The following DCDC2 variants were observed in gnomAD, a reference collection of about 807,000 sequenced individuals.
DCDC2 encodes doublecortin domain-containing protein 2.
A neutral mutation model predicts 50.2 loss-of-function variants in DCDC2; 40 were observed. That is an observed-to-expected ratio of 0.80 (90% CI 0.62 to 1.04). The LOEUF (loss-of-function observed/expected upper bound fraction) is 1.04, where lower values mean the gene tolerates loss of function less well. Ranked by LOEUF, DCDC2 falls within the 50% of genes least tolerant of loss-of-function variation. The pLI is 0.00. For missense variants in DCDC2, 570 were observed against 581.9 expected (o/e 0.98, Z 0.21); for synonymous variants, 234 against 210.6 (o/e 1.11, Z -0.96).
chr6:24,254,839 AAT>A (rs1164037428), intron 7 of DCDC2, among the ~76,000 whole-genome samples: 1 of 152,174 alleles, frequency 6.6e-6, no homozygotes, highest in Non-Finnish European at 1.5e-5. Flanking sequence ...TATAAAAAAA[AAT>A]CATTTTGACA....
intron 7 of DCDC2, among the ~76,000 whole-genome samples, chr6:24,230,368 G>C (rs1762315372): frequency 6.6e-6 from 1 of 152,154 alleles, no homozygotes; most frequent in African/African-American, 2.4e-5. Context: ...AGAGCCAGGT[G>C]TGGTGGCTCA....
chr6:24,353,274 A>AGGGAAC (rs1760405128), intron 2 of DCDC2: 2 of 494,094 alleles, frequency 4.0e-6, no homozygotes, highest in African/African-American at 3.9e-5. Flanking sequence ...GAATCTTCTC[A>AGGGAAC]CTTGACAGGG....
chr6:24,356,687 T>A (rs769383131), intron 1 of DCDC2, among the ~76,000 whole-genome samples: 1 of 152,202 alleles, frequency 6.6e-6, no homozygotes, highest in African/African-American at 2.4e-5. Context: ...TTAAAATTGT[T>A]AGTGTGCAGG....
intron 4 of DCDC2, among the ~76,000 whole-genome samples, chr6:24,292,661 A>G (rs1220110446): frequency 6.6e-6 from 1 of 152,236 alleles, no homozygotes; most frequent in Non-Finnish European, 1.5e-5. Context: ...TGAGCCCAGG[A>G]GTTCAAGACC....
intron 2 of DCDC2, among the ~76,000 whole-genome samples, chr6:24,320,816 G>T (rs1202841428): frequency 6.6e-6 from 1 of 152,076 alleles, no homozygotes; most frequent in African/African-American, 2.4e-5. Context: ...CTAATGCCCA[G>T]ATGCTGGTTT....
intron 2 of DCDC2, among the ~76,000 whole-genome samples, chr6:24,303,198 T>G (rs1409564434): frequency 1.3e-5 from 2 of 151,972 alleles, no homozygotes; most frequent in African/African-American, 4.8e-5. Context: ...TTATTCCTAT[T>G]CCGACTTCCT....
chr6:24,267,272 T>C (rs1011486134), intron 7 of DCDC2, among the ~76,000 whole-genome samples: 1 of 152,194 alleles, frequency 6.6e-6, no homozygotes, highest in South Asian at 2.1e-4. Flanking sequence ...AATAATTTAT[T>C]GTACATTATT....
At chr6:24,265,777 G>A (rs1277372622) in intron 7 of DCDC2, among the ~76,000 whole-genome samples, 1 of 151,304 alleles carries the variant, frequency 6.6e-6, no homozygotes, top group East Asian at 1.9e-4. Flanking sequence ...GAGGAAAGTT[G>A]ATAGATGTAA....
chr6:24,301,682 A>C, intron 4 of DCDC2, 33 bp downstream of exon 4: 1 of 1,607,326 alleles, frequency 6.2e-7, no homozygotes, highest in Non-Finnish European at 8.5e-7. Flanking sequence ...ACAATTCAAA[A>C]ACTCCTCCAC....
At chr6:24,277,287 G>T (rs1763381864) in intron 7 of DCDC2, among the ~76,000 whole-genome samples, 1 of 152,132 alleles carries the variant, frequency 6.6e-6, no homozygotes, top group South Asian at 2.1e-4. Flanking sequence ...GGTGGGGTGT[G>T]TGAGGGGATC....
In DCDC2 at chr6:24,178,631, C is replaced by T. The variant is rs1193702130; in HGVS notation, c.1025G>A (p.Arg342Lys). 4 of 1,610,922 alleles carry T rather than the reference C, an allele frequency of 2.5e-6. No homozygotes were observed. Among genetic ancestry groups the T allele is most frequent in the East Asian group, 2.2e-5 (1 of 44,868 alleles). ...TTCCTCGTCTACTATTTCTGCTGGC[C>T]TCTGATGGATCAAAAGGAATAATGG... ...DTQVEVPVDQ[R>K]PAEIVDEEED... The change falls in exon 9 of 10, where the codon AGG becomes AAG. Residue 342 changes from arginine (R) to lysine (K), a missense_variant and splice_region_variant. Transcript: ENST00000378454.
chr6:24,371,809 G>A, the DCDC2 span, among the ~76,000 whole-genome samples: 971 of 152,196 alleles, frequency 6.4e-3, 15 homozygotes, highest in African/African-American at 0.02. Flanking sequence ...AAAAGTGGGC[G>A]AAGGATATGA....
At chr6:24,289,909 G>C (rs1309207130) in intron 5 of DCDC2, among the ~76,000 whole-genome samples, 1 of 143,040 alleles carries the variant, frequency 7.0e-6, no homozygotes, top group Non-Finnish European at 1.5e-5. Flanking sequence ...AAAAGCAACA[G>C]AGATGGATCC....
chr6:24,355,018 T>G (rs1435835209), intron 1 of DCDC2, among the ~76,000 whole-genome samples: 2 of 152,154 alleles, frequency 1.3e-5, no homozygotes, highest in Non-Finnish European at 2.9e-5. Flanking sequence ...TCTGACAGTT[T>G]CTCCATTCTT....
At chr6:24,363,819 A>G in the DCDC2 span, among the ~76,000 whole-genome samples, 1 of 152,160 alleles carries the variant, frequency 6.6e-6, no homozygotes, top group African/African-American at 2.4e-5. Context: ...CCTATTATCC[A>G]TTCTCCACAG....
the DCDC2 span, among the ~76,000 whole-genome samples, chr6:24,370,929 G>A: frequency 6.6e-6 from 1 of 151,888 alleles, no homozygotes; most frequent in South Asian, 2.1e-4. Context: ...AAATACAGAA[G>A]GAAAAAAACC....
chr6:24,299,248 A>C (rs1401272686), intron 4 of DCDC2, among the ~76,000 whole-genome samples: 1 of 152,210 alleles, frequency 6.6e-6, no homozygotes, highest in Non-Finnish European at 1.5e-5. Context: ...AGAAAACCAA[A>C]TACTACTTAT....
chr6:24,308,875 G>T (rs970835621), intron 2 of DCDC2, among the ~76,000 whole-genome samples: 7 of 152,182 alleles, frequency 4.6e-5, no homozygotes, highest in African/African-American at 1.7e-4. Context: ...TTGAAACAAA[G>T]ACCTTTTTTA....
the DCDC2 span, among the ~76,000 whole-genome samples, chr6:24,373,160 A>G: frequency 2.0e-5 from 3 of 152,234 alleles, no homozygotes; most frequent in South Asian, 6.2e-4. Flanking sequence ...AATAGGGACA[A>G]CCACATTGGA....
Sources: gnomAD v4.1 joint callset for allele counts (sites outside exome capture counted in the v4.1 genomes callset) on GRCh38, gnomAD v4.1.1 for gene constraint, MANE v1.5 for transcripts, NCBI Gene and HGNC (gene_info 2026-07-23, HGNC 2026-07-21) for gene names.